Variants in LAMTOR4 observed in about 807,000 individuals in gnomAD.
LAMTOR4 encodes ragulator complex protein LAMTOR4.
Under a neutral mutation model 13.5 loss-of-function variants are expected in LAMTOR4, and 11 were observed. The observed-to-expected ratio is 0.82, with a 90% CI of 0.51 to 1.35. The LOEUF is 1.35. Ranked by LOEUF, LAMTOR4 falls within the 40% of genes most tolerant of loss-of-function variation. The pLI is 0.00. For missense variants in LAMTOR4, 128 were observed against 126.2 expected (o/e 1.01, Z -0.07); for synonymous variants, 69 against 52.3 (o/e 1.32, Z -1.38).
rs1584615081 is a variant in LAMTOR4 at position 100,153,788 on chromosome 7, C to T, written c.203-79C>T. ...CCAGCCAATGTGCGTGTGGCCCCGC[C>T]CCATGGAGTCTGTTGCACCCACTAA... On this transcript the variant is annotated intron_variant, in intron 3 of 3. Coordinates refer to ENST00000341942, the MANE Select transcript of LAMTOR4 (RefSeq NM_001008395.4). The T allele has an allele frequency of 3.0e-6, 3 of 1,013,502 alleles. No individual in the cohort carries two copies. The East Asian group carries it at 7.8e-5, about 26-fold the overall frequency. The allele number at this position is 1,013,502 out of a possible 1,614,324, so 62.8% of individuals were successfully genotyped here. A position where few individuals can be genotyped will look rare whatever the true frequency, so the allele number is the denominator to read the frequency against.
Position 100,148,966 on chromosome 7 carries a change from G to C in LAMTOR4, c.-7G>C, listed in dbSNP as rs1444240400. 6.2e-7 allele frequency: 1 copy of C among 1,612,148 alleles called. No homozygotes were observed. The highest frequency in any genetic ancestry group is 1.1e-5 in the South Asian group (1 of 91,072). On this transcript the variant is annotated 5_prime_UTR_variant, in exon 1 of 4. Transcript: ENST00000341942. ...GGTAGGGAGCTCCCCCAGCACCGAA[G>C]ACTGCGATGGTGAGTGAGGACGCAT...
In LAMTOR4 at chr7:100,149,532, C is replaced by G. The variant is rs1798635087; in HGVS notation, c.37C>G (p.Pro13Ala). 17 of 1,613,952 alleles carry G rather than the reference C, an allele frequency of 1.1e-5. No individual in the cohort carries two copies. The highest frequency in any genetic ancestry group is 1.4e-5 in the Non-Finnish European group (17 of 1,179,928). The change falls in exon 2 of 4, where the codon CCA becomes GCA. Residue 13 changes from proline (P) to alanine (A), a missense_variant. Pro to Ala is a conservative substitution (Grantham distance 27, BLOSUM62 -1). Transcript: ENST00000341942. Reference protein sequence around the residue: ...SALTQGLERIPDQLGYLVLSE... With the variant: ...SALTQGLERIADQLGYLVLSE... ...GCTGACCCAGGGGCTGGAGCGAATC[C>G]CAGACCAGCTCGGCTACCTGGTACT...
Position 100,153,966 on chromosome 7 carries a change from C to A in LAMTOR4, c.*2C>A, listed in dbSNP as rs556924040. ...GGTCGGGAGCCCATTGATGTCTGAG[C>A]CTGCCGGAGGGCGAGGGTCGGAGAA... is the stretch of plus-strand genomic sequence containing the variant. On this transcript the variant is annotated 3_prime_UTR_variant, in exon 4 of 4. Coordinates refer to ENST00000341942, the MANE Select transcript of LAMTOR4 (RefSeq NM_001008395.4). 1.6e-5 allele frequency: 25 copies of A among 1,578,634 alleles called. No homozygotes were observed. In the South Asian group the frequency reaches 2.9e-4, roughly 18 times the overall value.
At chr7:100,149,306 T>TG (rs1255246880) in intron 1 of LAMTOR4, 193 bp from the exon 2 acceptor site, 4 of 487,562 alleles carry the variant, frequency 8.2e-6, no homozygotes, top group Non-Finnish European at 1.1e-5. Context: ...GGGGCGAGAG[T>TG]GGGGGCAGAT....
intron 2 of LAMTOR4, among the ~76,000 whole-genome samples, chr7:100,151,545 T>G (rs574992174): frequency 1.3e-5 from 2 of 151,460 alleles, no homozygotes; most frequent in African/African-American, 4.9e-5. Flanking sequence ...CCCGCCACCA[T>G]GCCCGGCTAC....
chr7:100,151,285 G>A (rs1362412499), intron 2 of LAMTOR4, among the ~76,000 whole-genome samples: 2 of 151,706 alleles, frequency 1.3e-5, no homozygotes, highest in Non-Finnish European at 2.9e-5. Context: ...ATGTTGGCCG[G>A]GCTGGTCTCG....
chr7:100,153,515 C>G lies in LAMTOR4; in HGVS notation c.200C>G (p.Ser67Cys). The G allele has an allele frequency of 6.2e-7, 1 of 1,605,966 alleles. No homozygotes were observed. The highest frequency in any genetic ancestry group is 1.3e-5 in the African/African-American group (1 of 75,050). ...ATGAATGTGCCCTTCAAGCGCCTGT[C>G]TGGTGAGCCCCTGCCCCTGCCCTTG... ...RGMNVPFKRL[S>C]VVFGEHTLLV... The change falls in exon 3 of 4, where the codon TCT becomes TGT. Residue 67 changes from serine (S) to cysteine (C), a missense_variant and splice_region_variant. Physicochemically the swap from Ser to Cys is moderately radical, Grantham distance 112 (BLOSUM62 -1). Coordinates refer to ENST00000341942, the MANE Select transcript of LAMTOR4 (RefSeq NM_001008395.4).
At position 100,149,586 on chromosome 7, in the gene LAMTOR4, T is replaced by G. The variant is rs746181536; in HGVS notation, c.84+7T>G. 1.2e-6 allele frequency: 2 copies of G among 1,612,442 alleles called. No individual in the cohort carries two copies. The highest frequency in any genetic ancestry group is 2.2e-5 in the South Asian group (2 of 91,042). ...TGAAGGTGCAGTGCTGGCGGTGCGT[T>G]CTGGGAAAGGGAGGGGGTCCCTTAG... On this transcript the variant is annotated splice_region_variant and intron_variant, in intron 2 of 3. Coordinates refer to ENST00000341942, the MANE Select transcript of LAMTOR4 (RefSeq NM_001008395.4).
chr7:100,153,296 G>C, intron 2 of LAMTOR4, 104 bp from the exon 3 acceptor site: 5 of 798,416 alleles, frequency 6.3e-6, no homozygotes, highest in Non-Finnish European at 8.3e-6. Context: ...GGCAAGCCAA[G>C]GGGGAGAGGG....
At chr7:100,152,355 T>C (rs1798729213) in intron 2 of LAMTOR4, among the ~76,000 whole-genome samples, 1 of 151,992 alleles carries the variant, frequency 6.6e-6, no homozygotes, top group South Asian at 2.1e-4. Context: ...TGAGCCAAGA[T>C]TGCACCACTG....
chr7:100,150,334 A>G (rs1255375011), intron 2 of LAMTOR4, among the ~76,000 whole-genome samples: 3 of 152,234 alleles, frequency 2.0e-5, no homozygotes, highest in Non-Finnish European at 4.4e-5. Flanking sequence ...CAGGATATTA[A>G]AAATTCAACA....
chr7:100,151,927 C>T (rs977870588), intron 2 of LAMTOR4, among the ~76,000 whole-genome samples: 2 of 151,750 alleles, frequency 1.3e-5, no homozygotes, highest in Non-Finnish European at 2.9e-5. Flanking sequence ...TGGTCTCAAA[C>T]TCCTGGCCTC....
At position 100,149,231 on chromosome 7, in the gene LAMTOR4, G is replaced by A. The variant is rs144522392; in HGVS notation, c.3+256G>A. 821 of 608,924 alleles carry A rather than the reference G, an allele frequency of 1.3e-3. 8 individuals carry two copies. In the East Asian group the frequency reaches 0.018, roughly 14 times the overall value. The allele number at this position is 608,924 out of a possible 1,614,324, so 37.7% of individuals were successfully genotyped here. On this transcript the variant is annotated intron_variant, in intron 1 of 3. Coordinates refer to ENST00000341942, the MANE Select transcript of LAMTOR4 (RefSeq NM_001008395.4). The stretch of plus-strand genomic sequence containing the variant: ...GTGAAGAGAGGGTCTGGGGGCAGGG[G>A]CCAGTGGGGCAGCAAAGGCCCCTTG...
chr7:100,151,144 AG>A (rs1798686351), intron 2 of LAMTOR4, among the ~76,000 whole-genome samples: 1 of 145,608 alleles, frequency 6.9e-6, no homozygotes, highest in African/African-American at 2.5e-5. Flanking sequence ...GCATGATCTC[AG>A]CTCACTGCAA....
chr7:100,149,031 C>G, intron 1 of LAMTOR4, 56 bp downstream of exon 1: 1 of 1,589,256 alleles, frequency 6.3e-7, no homozygotes, highest in South Asian at 1.1e-5. Flanking sequence ...TCTCTGCTCC[C>G]CAGTCTGTGT....
chr7:100,149,162 C>T (rs1798619633), intron 1 of LAMTOR4, 187 bp downstream of exon 1: 5 of 739,548 alleles, frequency 6.8e-6, no homozygotes, highest in Admixed American at 3.0e-5. Context: ...GGAGGGTGTT[C>T]TGGGGCTGCG....
At chr7:100,150,505 G>A (rs1798666593) in intron 2 of LAMTOR4, among the ~76,000 whole-genome samples, 1 of 152,206 alleles carries the variant, frequency 6.6e-6, no homozygotes, top group Admixed American at 6.5e-5. Flanking sequence ...TTTGAGGGAA[G>A]AGAGGAGGAT....
intron 2 of LAMTOR4, 106 bp from the exon 3 acceptor site, chr7:100,153,293 CA>C: frequency 1.3e-6 from 1 of 788,346 alleles, no homozygotes; most frequent in Non-Finnish European, 2.1e-6. Context: ...ACTGGCAAGC[CA>C]AGGGGGAGAG....
At position 100,149,187 on chromosome 7, in the gene LAMTOR4, CG is replaced by C. The variant is rs980219122; in HGVS notation, c.3+215del. The stretch of plus-strand genomic sequence containing the variant: ...CTGGGGCTGCGGGTAGTCTGCAGGT[CG>C]GGCGGAGACGAAGGGAGGTGAAGAG... On this transcript the variant is annotated intron_variant, in intron 1 of 3. Coordinates refer to ENST00000341942, the MANE Select transcript of LAMTOR4 (RefSeq NM_001008395.4). The C allele has an allele frequency of 1.2e-5, 8 of 642,938 alleles. No homozygotes were observed. The African/African-American group carries it at 1.5e-4, about 12-fold the overall frequency. 39.8% of individuals were successfully genotyped at this position (642,938 alleles called of 1,614,324 possible). A position where few individuals can be genotyped will look rare whatever the true frequency, so the allele number is the denominator to read the frequency against.
Sources: gnomAD v4.1 joint callset for allele counts (sites outside exome capture counted in the v4.1 genomes callset) on GRCh38, gnomAD v4.1.1 for gene constraint, MANE v1.5 for transcripts, NCBI Gene and HGNC (gene_info 2026-07-23, HGNC 2026-07-21) for gene names.